CIMIP2C: variants seen among roughly 807,000 people sequenced by gnomAD.
The protein encoded by CIMIP2C is UPF0573 protein C2orf70.
chr2:26,573,315 C>T, the CIMIP2C span, among the ~76,000 whole-genome samples: 2 of 148,628 alleles, frequency 1.3e-5, no homozygotes, highest in African/African-American at 2.6e-5. Flanking sequence ...TGGCTGCTTC[C>T]CCTCTGCCTA....
At chr2:26,569,656 C>T in the CIMIP2C span, among the ~76,000 whole-genome samples, 1 of 152,262 alleles carries the variant, frequency 6.6e-6, no homozygotes, top group South Asian at 2.1e-4. Flanking sequence ...TGCTCCTTTT[C>T]ACACAGTAAC....
chr2:26,577,285 G>A, the CIMIP2C span, among the ~76,000 whole-genome samples: 3 of 152,216 alleles, frequency 2.0e-5, no homozygotes, highest in Non-Finnish European at 4.4e-5. Context: ...TAGCAAAGCT[G>A]GTCTGGTGGG....
the CIMIP2C span, among the ~76,000 whole-genome samples, chr2:26,569,274 A>T: frequency 6.6e-6 from 1 of 152,102 alleles, no homozygotes; most frequent in Non-Finnish European, 1.5e-5. Context: ...TGCCAGAAGG[A>T]TGTTCTTTCA....
the CIMIP2C span, among the ~76,000 whole-genome samples, chr2:26,574,768 C>T: frequency 0.14 from 21,803 of 152,296 alleles, 1,746 homozygotes; most frequent in Non-Finnish European, 0.19. Context: ...TCCAAACCAA[C>T]AGCAGCGTTT....
At chr2:26,575,854 G>A in the CIMIP2C span, 1 of 1,590,212 alleles carries the variant, frequency 6.3e-7, no homozygotes. Context: ...AACAGGCCTG[G>A]GGCCCTTCAC....
the CIMIP2C span, chr2:26,563,160 C>T: frequency 1.0e-3 from 159 of 158,196 alleles, no homozygotes; most frequent in African/African-American, 3.6e-3. Context: ...GGTGCCCGCT[C>T]GAAGAACCTG....
chr2:26,577,919 A>C, the CIMIP2C span: 1 of 407,234 alleles, frequency 2.5e-6, no homozygotes, highest in African/African-American at 2.1e-5. Context: ...CTGCGGACTG[A>C]TGCCCCGCCT....
At chr2:26,567,433 T>C in the CIMIP2C span, among the ~76,000 whole-genome samples, 2 of 152,236 alleles carry the variant, frequency 1.3e-5, no homozygotes, top group Admixed American at 6.5e-5. Flanking sequence ...TCCCCAACCC[T>C]GCAGAACTAT....
At chr2:26,574,490 G>A in the CIMIP2C span, among the ~76,000 whole-genome samples, 1,798 of 152,222 alleles carry the variant, frequency 0.012, 12 homozygotes, top group Non-Finnish European at 0.02. Flanking sequence ...GGAAGGTGGG[G>A]GTGGGAGATC....
chr2:26,576,783 C>T, the CIMIP2C span, among the ~76,000 whole-genome samples: 1 of 152,232 alleles, frequency 6.6e-6, no homozygotes, highest in Non-Finnish European at 1.5e-5. Flanking sequence ...TTGTTCTTGT[C>T]CTGCTGTTCA....
the CIMIP2C span, among the ~76,000 whole-genome samples, chr2:26,571,521 G>A: frequency 6.6e-6 from 1 of 152,210 alleles, no homozygotes; most frequent in African/African-American, 2.4e-5. Context: ...GGCAGGCTGA[G>A]CACCGTGGGT....
chr2:26,565,029 T>TCTTCTCCTTCTCCTTCTC, the CIMIP2C span, among the ~76,000 whole-genome samples: 1 of 150,752 alleles, frequency 6.6e-6, no homozygotes, highest in African/African-American at 2.5e-5. Flanking sequence ...TTCTTCTTCT[T>TCTTCTCCTTCTCCTTCTC]CTTCTCCTTC....
the CIMIP2C span, among the ~76,000 whole-genome samples, chr2:26,569,711 C>T: frequency 2.0e-5 from 3 of 152,034 alleles, no homozygotes; most frequent in African/African-American, 7.3e-5. Flanking sequence ...GCCCAGGGGT[C>T]CGGCTTGGCA....
At chr2:26,566,583 G>A in the CIMIP2C span, among the ~76,000 whole-genome samples, 92 of 152,336 alleles carry the variant, frequency 6.0e-4, 1 homozygote, top group South Asian at 0.017. Context: ...GGGGAGGGAT[G>A]GATGCACAGC....
At chr2:26,566,100 G>C in the CIMIP2C span, among the ~76,000 whole-genome samples, 778 of 152,358 alleles carry the variant, frequency 5.1e-3, 6 homozygotes, top group African/African-American at 0.018. Context: ...CTCATTCTCT[G>C]TTTCTGGCCA....
chr2:26,569,466 G>T, the CIMIP2C span, among the ~76,000 whole-genome samples: 1 of 152,308 alleles, frequency 6.6e-6, no homozygotes, highest in East Asian at 1.9e-4. Context: ...AATGTGATCA[G>T]AACTGTCCTC....
the CIMIP2C span, among the ~76,000 whole-genome samples, chr2:26,575,416 G>A: frequency 1.3e-5 from 2 of 152,336 alleles, no homozygotes; most frequent in Admixed American, 1.3e-4. Flanking sequence ...TCAGGCCAAC[G>A]CCTGAGTAAA....
the CIMIP2C span, chr2:26,579,491 C>G: frequency 2.5e-6 from 4 of 1,586,974 alleles, no homozygotes; most frequent in Non-Finnish European, 3.4e-6. Flanking sequence ...TCGTGACCAG[C>G]CTGGCTTGCT....
At chr2:26,565,925 C>T in the CIMIP2C span, among the ~76,000 whole-genome samples, 1 of 152,214 alleles carries the variant, frequency 6.6e-6, no homozygotes, top group Non-Finnish European at 1.5e-5. Context: ...AGGCACCTTG[C>T]CACAGGCAGT....
Sources: allele counts gnomAD v4.1 joint callset (sites outside exome capture counted in the v4.1 genomes callset), GRCh38; gene constraint gnomAD v4.1.1; transcripts MANE v1.5; gene names NCBI Gene and HGNC (gene_info 2026-07-23, HGNC 2026-07-21).